The following HYCC1 variants were observed in gnomAD, a reference collection of about 807,000 sequenced individuals.
The protein encoded by HYCC1 is hyccin PI4KA lipid kinase complex subunit 1.
At chr7:22,917,529 G>C in the HYCC1 span, among the ~76,000 whole-genome samples, 1 of 152,158 alleles carries the variant, frequency 6.6e-6, no homozygotes, top group Non-Finnish European at 1.5e-5. Context: ...CCCGAGTCAG[G>C]AAACTAAAAT....
At chr7:23,013,216 T>C in the HYCC1 span, among the ~76,000 whole-genome samples, 1 of 152,140 alleles carries the variant, frequency 6.6e-6, no homozygotes, top group Non-Finnish European at 1.5e-5. Context: ...TTCCCGAGTA[T>C]GTTAAAATGA....
chr7:22,916,267 C>G, the HYCC1 span, among the ~76,000 whole-genome samples: 1 of 152,152 alleles, frequency 6.6e-6, no homozygotes, highest in Non-Finnish European at 1.5e-5. Flanking sequence ...ACCAAATTGT[C>G]TTGCCTATCC....
At chr7:22,922,887 C>A in the HYCC1 span, among the ~76,000 whole-genome samples, 1 of 152,100 alleles carries the variant, frequency 6.6e-6, no homozygotes, top group African/African-American at 2.4e-5. Flanking sequence ...TACATATACA[C>A]CTAACAACAG....
At chr7:22,992,487 G>A in the HYCC1 span, among the ~76,000 whole-genome samples, 1 of 152,082 alleles carries the variant, frequency 6.6e-6, no homozygotes, top group Non-Finnish European at 1.5e-5. Flanking sequence ...AGCACTGCTA[G>A]ATGACATTTA....
At chr7:22,922,981 C>T in the HYCC1 span, among the ~76,000 whole-genome samples, 1 of 152,108 alleles carries the variant, frequency 6.6e-6, no homozygotes, top group African/African-American at 2.4e-5. Context: ...CTTCAATACT[C>T]CACTTTCAAT....
At chr7:22,901,025 C>T in the HYCC1 span, among the ~76,000 whole-genome samples, 29 of 151,850 alleles carry the variant, frequency 1.9e-4, no homozygotes, top group African/African-American at 6.5e-4. Flanking sequence ...TTTGAGACTA[C>T]CCTGGGCAAC....
the HYCC1 span, among the ~76,000 whole-genome samples, chr7:22,900,988 G>A: frequency 6.6e-6 from 1 of 152,024 alleles, no homozygotes; most frequent in Non-Finnish European, 1.5e-5. Context: ...GGGAGGCTGA[G>A]GCAGGCAGAT....
At chr7:22,931,255 G>GAAAAAAAAAAA in the HYCC1 span, among the ~76,000 whole-genome samples, 4 of 103,818 alleles carry the variant, frequency 3.9e-5, no homozygotes, top group Non-Finnish European at 6.0e-5. Context: ...CAAAAAAAAA[G>GAAAAAAAAAAA]AAAAAAAAAA....
chr7:22,907,104 CAAAAAAAAAAAA>C, the HYCC1 span, among the ~76,000 whole-genome samples: 31 of 43,550 alleles, frequency 7.1e-4, no homozygotes, highest in African/African-American at 2.9e-3. Context: ...GACTCTATCT[CAAAAAAAAAAAA>C]AAAAAAAAAA....
At chr7:22,967,711 G>C in the HYCC1 span, among the ~76,000 whole-genome samples, 1 of 152,174 alleles carries the variant, frequency 6.6e-6, no homozygotes, top group Non-Finnish European at 1.5e-5. Flanking sequence ...TGGTGGGTAG[G>C]AGGAAGGGTA....
chr7:22,902,342 A>G, the HYCC1 span, among the ~76,000 whole-genome samples: 1 of 135,682 alleles, frequency 7.4e-6, no homozygotes, highest in East Asian at 2.1e-4. Context: ...GTTTTAAATT[A>G]ATGATTATTT....
chr7:23,012,023 TTAGA>T, the HYCC1 span, among the ~76,000 whole-genome samples: 2 of 152,328 alleles, frequency 1.3e-5, no homozygotes, highest in South Asian at 4.1e-4. Context: ...ATCTTGTATG[TTAGA>T]TAGTAAATTC....
At chr7:22,969,892 G>A in the HYCC1 span, among the ~76,000 whole-genome samples, 4 of 152,200 alleles carry the variant, frequency 2.6e-5, no homozygotes, top group Admixed American at 6.5e-5. Context: ...AAACTTACAC[G>A]GTATCTATGG....
At chr7:23,002,158 A>T in the HYCC1 span, among the ~76,000 whole-genome samples, 4 of 54,208 alleles carry the variant, frequency 7.4e-5, no homozygotes, top group African/African-American at 1.3e-4. Flanking sequence ...ATATATATAT[A>T]TATATATATA....
At chr7:22,978,336 A>G in the HYCC1 span, 1 of 1,614,066 alleles carries the variant, frequency 6.2e-7, no homozygotes, top group South Asian at 1.1e-5. Context: ...GCTGGCTGAG[A>G]CTGCAAGGTA....
the HYCC1 span, among the ~76,000 whole-genome samples, chr7:22,970,155 T>A: frequency 6.6e-6 from 1 of 152,232 alleles, no homozygotes; most frequent in South Asian, 2.1e-4. Flanking sequence ...GGTTCTCTCA[T>A]TTTCTATACT....
chr7:22,981,514 T>C, the HYCC1 span, among the ~76,000 whole-genome samples: 41 of 152,300 alleles, frequency 2.7e-4, no homozygotes, highest in South Asian at 6.2e-4. Context: ...TCCAAATATA[T>C]CTGAAAGAGC....
the HYCC1 span, among the ~76,000 whole-genome samples, chr7:22,999,502 C>T: frequency 3.3e-5 from 5 of 152,098 alleles, no homozygotes; most frequent in Admixed American, 2.0e-4. Context: ...CACACAATTG[C>T]ATATTAAATA....
At chr7:22,943,839 C>T in the HYCC1 span, 5 of 152,622 alleles carry the variant, frequency 3.3e-5, no homozygotes, top group East Asian at 9.6e-4. Context: ...TTCTTAACTA[C>T]AATTTATGGC....
Sources: gnomAD v4.1 joint callset for allele counts (sites outside exome capture counted in the v4.1 genomes callset) on GRCh38, gnomAD v4.1.1 for gene constraint, MANE v1.5 for transcripts, NCBI Gene and HGNC (gene_info 2026-07-23, HGNC 2026-07-21) for gene names.